Variants in C4orf50 observed in about 807,000 individuals in gnomAD.
The protein encoded by C4orf50 is chromosome 4 open reading frame 50, also known as uncharacterized protein C4orf50.
C4orf50 carries 80 observed loss-of-function variants against 77.2 expected under a neutral mutation model. The ratio of observed to expected loss-of-function variants is 1.04; its 90% CI spans 0.87 to 1.25. The LOEUF (loss-of-function observed/expected upper bound fraction) is 1.25, where lower values mean the gene tolerates loss of function less well. C4orf50 is among the 50% of genes most tolerant of loss of function. The pLI is 0.00. For synonymous variants in C4orf50, 532 were observed against 465.3 expected, an observed-to-expected ratio of 1.14 and a Z score of -1.84; for missense variants, 1,257 against 1,152.9, an observed-to-expected ratio of 1.09 and a Z score of -1.31.
chr4:5,988,497 C>G, exon 28 of C4orf50: 1 of 1,543,886 alleles, frequency 6.5e-7, no homozygotes. Context: ...TTCTCCAGAC[C>G]AGCGATGGAG....
chr4:5,983,489 C>T (rs1720707649), intron 28 of C4orf50, among the ~76,000 whole-genome samples: 1 of 152,212 alleles, frequency 6.6e-6, no homozygotes, highest in African/African-American at 2.4e-5. Context: ...TTCCTCGCTG[C>T]TCTTTTCTAA....
At chr4:6,005,355 G>C (rs754141886) in intron 25 of C4orf50, among the ~76,000 whole-genome samples, 1 of 152,164 alleles carries the variant, frequency 6.6e-6, no homozygotes, top group Non-Finnish European at 1.5e-5. Context: ...CCCACATGAG[G>C]TGCAGTTCCC....
intron 7 of C4orf50, among the ~76,000 whole-genome samples, chr4:5,914,316 C>T (rs1435286219): frequency 1.5e-4 from 22 of 151,522 alleles, no homozygotes; most frequent in Middle Eastern, 3.4e-3. Flanking sequence ...GCCATTCTCC[C>T]GCCTCAGCCT....
intron 31 of C4orf50, 63 bp from the exon 10 acceptor site, chr4:5,967,525 A>G (rs7690889): frequency 0.66 from 970,456 of 1,473,692 alleles, 327,197 homozygotes; most frequent in African/African-American, 0.83. Context: ...CTTGCACAGA[A>G]GACTGCAATT....
rs545371181 is a variant in C4orf50 at position 5,915,308 on chromosome 4, C to A, written c.*2475-17120G>T. Among the ~76,000 whole-genome samples, 7 of 152,310 alleles carry A rather than the reference C, an allele frequency of 4.6e-5. 1 individual carries two copies. The South Asian group carries it at 1.5e-3, about 32-fold the overall frequency. ...AAGGTTTGATCATATCCAGTTCCTG[C>A]CATTCTCAGACACAGTTTGTTCTTG... On this transcript the variant is annotated intron_variant, in intron 7 of 7. Transcript: ENST00000324058.
At chr4:5,994,283 T>G in intron 26 of C4orf50, 64 bp downstream of exon 4, 1 of 398,558 alleles carries the variant, frequency 2.5e-6, no homozygotes, top group South Asian at 1.3e-4. Context: ...AAGGAGGAAG[T>G]GAGCTAGCCA....
At position 5,900,901 on chromosome 4, in the gene C4orf50, T is replaced by C. The variant is rs1327599876; in HGVS notation, c.*2475-2713A>G. The C allele has an allele frequency of 6.6e-6, 1 of 152,260 alleles. No individual in the cohort carries two copies. Among genetic ancestry groups the C allele is most frequent in the Non-Finnish European group, 1.5e-5 (1 of 68,046 alleles). The allele number at this position is 152,260 out of a possible 1,614,324, so 9.4% of individuals were successfully genotyped here. ...GGGAAGGGCAATGGCAGGGCCACTC[T>C]GAGCACACAGCCCATGTGTGTCACC... is the stretch of plus-strand genomic sequence containing the variant. On this transcript the variant is annotated intron_variant, in intron 7 of 7. Transcript: ENST00000324058. This position sits in a 1 kb window ranked among gnomAD's most constrained non-coding sequence, Gnocchi z 4.3.
intron 7 of C4orf50, among the ~76,000 whole-genome samples, chr4:5,922,629 C>T (rs999681362): frequency 2.6e-5 from 4 of 152,194 alleles, no homozygotes; most frequent in African/African-American, 9.6e-5. Context: ...ATCTAACCAT[C>T]TCACCTGTAG....
chr4:5,966,713 T>G (rs67293220), intron 32 of C4orf50, among the ~76,000 whole-genome samples: 53,025 of 149,798 alleles, frequency 0.35, 9,658 homozygotes, highest in Admixed American at 0.44. Context: ...ACAGTGGTGT[T>G]ATCTCGGTTC....
intron 25 of C4orf50, among the ~76,000 whole-genome samples, chr4:5,999,275 G>A (rs990463691): frequency 6.6e-6 from 1 of 152,170 alleles, no homozygotes; most frequent in Non-Finnish European, 1.5e-5. Context: ...TTCAGATACT[G>A]CTGCTTCCAC....
rs61240934 is a variant in C4orf50 at position 5,908,036 on chromosome 4, G to GATTC, written c.*2475-9852_*2475-9849dup. ...TAACAAAAAGAGCTGACCATTCACT[G>GATTC]ATTCATTCATTCATTCATTCATTCA... On this transcript the variant is annotated intron_variant, in intron 7 of 7. Coordinates refer to the C4orf50 transcript ENST00000324058. This position sits in a 1 kb window ranked among gnomAD's most constrained non-coding sequence, Gnocchi z 5.6. Among the ~76,000 whole-genome samples, 2,022 of 151,362 alleles carry GATTC rather than the reference G, an allele frequency of 0.013. 22 individuals are homozygous for GATTC. The highest frequency in any genetic ancestry group is 0.025 in the African/African-American group (1,046 of 41,458).
intron 7 of C4orf50, chr4:5,904,391 T>C (rs1405534514): frequency 6.6e-6 from 1 of 152,210 alleles, no homozygotes; most frequent in Non-Finnish European, 1.5e-5. Flanking sequence ...CTGTGGTCAG[T>C]TGGGCGCAAC....
chr4:5,952,488 C>T (rs1003132226), downstream of C4orf50, among the ~76,000 whole-genome samples: 2 of 152,178 alleles, frequency 1.3e-5, no homozygotes, highest in African/African-American at 2.4e-5. This position sits in a 1 kb window ranked among gnomAD's most constrained non-coding sequence, Gnocchi z 4.4. Flanking sequence ...TCAGAAGCAG[C>T]GGGGCTGGTC....
chr4:6,010,329 T>A (rs1205453983), intron 24 of C4orf50, among the ~76,000 whole-genome samples: 2 of 152,270 alleles, frequency 1.3e-5, no homozygotes, highest in African/African-American at 4.8e-5. Context: ...GGGAAAAAAA[T>A]TCCACTAGGA....
At chr4:5,991,594 G>C (rs780319259) in intron 27 of C4orf50, among the ~76,000 whole-genome samples, 18 of 152,196 alleles carry the variant, frequency 1.2e-4, no homozygotes, top group Non-Finnish European at 2.5e-4. Context: ...GAGGCCTGAG[G>C]ATGAAATTTG....
At chr4:5,988,833 T>C in exon 28 of C4orf50, 2 of 1,536,118 alleles carry the variant, frequency 1.3e-6, no homozygotes, top group South Asian at 2.4e-5. Flanking sequence ...CGATATCCTT[T>C]ATCAGCTCTT....
intron 33 of C4orf50, among the ~76,000 whole-genome samples, chr4:5,961,983 A>G (rs1185169142): frequency 6.6e-6 from 1 of 152,216 alleles, no homozygotes; most frequent in East Asian, 1.9e-4. Context: ...CTCTTCCCCA[A>G]AACCAGCCCA....
intron 7 of C4orf50, among the ~76,000 whole-genome samples, chr4:5,939,910 G>C (rs200570880): frequency 6.6e-6 from 1 of 152,176 alleles, no homozygotes; most frequent in Non-Finnish European, 1.5e-5. Context: ...CCAGTCTACC[G>C]ACAACATGCA....
At chr4:5,910,961 GGT>G (rs1716780904) in intron 7 of C4orf50, among the ~76,000 whole-genome samples, 2 of 143,990 alleles carry the variant, frequency 1.4e-5, no homozygotes, top group Non-Finnish European at 3.0e-5. Context: ...GCTGGAGTGC[GGT>G]GGTGTGAACT....
Sources: allele counts gnomAD v4.1 joint callset (sites outside exome capture counted in the v4.1 genomes callset), GRCh38; gene constraint gnomAD v4.1.1; non-coding constraint Gnocchi (gnomAD v3.1); transcripts MANE v1.5; gene names NCBI Gene and HGNC (gene_info 2026-07-23, HGNC 2026-07-21).